TRHDE: variants seen among roughly 807,000 people sequenced by gnomAD.
The protein encoded by TRHDE is thyrotropin-releasing hormone-degrading ectoenzyme.
A neutral mutation model predicts 125.7 loss-of-function variants in TRHDE; 72 were observed. The ratio of observed to expected loss-of-function variants is 0.57; its 90% CI spans 0.47 to 0.70. TRHDE has a LOEUF of 0.70. TRHDE is among the 30% of genes least tolerant of loss of function. TRHDE has a pLI of 0.00. For missense variants in TRHDE, 1,110 were observed against 1,327.1 expected (o/e 0.84, Z 2.54); for synonymous variants, 509 against 509.1 (o/e 1.00, Z 0.00).
intron 6 of TRHDE, among the ~76,000 whole-genome samples, chr12:72,510,218 G>C (rs760978004): frequency 6.6e-6 from 1 of 152,040 alleles, no homozygotes; most frequent in Non-Finnish European, 1.5e-5. Flanking sequence ...TACTCACAGC[G>C]AATCAGTTAC....
chr12:72,238,833 A>G (rs1878417002), intron 2 of TRHDE, among the ~76,000 whole-genome samples: 1 of 152,170 alleles, frequency 6.6e-6, no homozygotes, highest in African/African-American at 2.4e-5. Flanking sequence ...GCTATTGTGA[A>G]TGATGCCACA....
intron 2 of TRHDE, among the ~76,000 whole-genome samples, chr12:72,336,232 A>C (rs539090248): frequency 3.9e-5 from 6 of 152,174 alleles, no homozygotes; most frequent in African/African-American, 1.2e-4. Context: ...TTTGACTCCA[A>C]AACCTGTGCT....
intron 12 of TRHDE, among the ~76,000 whole-genome samples, chr12:72,600,290 A>T (rs886757806): frequency 8.5e-5 from 13 of 152,120 alleles, no homozygotes; most frequent in African/African-American, 3.1e-4. Flanking sequence ...AATTCTGTGA[A>T]AAATGATGTT....
At chr12:72,600,930 C>T (rs1047901990) in intron 12 of TRHDE, among the ~76,000 whole-genome samples, 3 of 152,062 alleles carry the variant, frequency 2.0e-5, no homozygotes, top group Admixed American at 2.0e-4. Flanking sequence ...TGCTTGCTAA[C>T]ACAACATCCA....
chr12:72,627,616 GTTGCAAT>G (rs1287624816), intron 15 of TRHDE, among the ~76,000 whole-genome samples: 2 of 151,854 alleles, frequency 1.3e-5, no homozygotes, highest in African/African-American at 4.8e-5. Context: ...ATTGTGGACA[GTTGCAAT>G]ATTGTAGGAC....
At chr12:72,355,153 T>G (rs942039783) in intron 2 of TRHDE, among the ~76,000 whole-genome samples, 1 of 151,572 alleles carries the variant, frequency 6.6e-6, no homozygotes, top group Non-Finnish European at 1.5e-5. Context: ...AAATTGCTAT[T>G]GTGCCAAGTA....
chr12:72,225,971 G>A (rs2140218), intron 2 of TRHDE, among the ~76,000 whole-genome samples: 8,034 of 152,222 alleles, frequency 0.053, 292 homozygotes, highest in Non-Finnish European at 0.072. Flanking sequence ...TCATGACTCC[G>A]CAGATGATAT....
chr12:72,163,597 G>T (rs1450716961), intron 2 of TRHDE, among the ~76,000 whole-genome samples: 2 of 152,170 alleles, frequency 1.3e-5, no homozygotes, highest in Non-Finnish European at 2.9e-5. Flanking sequence ...TCATGATATG[G>T]ACACAATTAC....
intron 6 of TRHDE, among the ~76,000 whole-genome samples, chr12:72,539,015 CT>C (rs774741938): frequency 7.3e-4 from 111 of 152,008 alleles, no homozygotes; most frequent in South Asian, 1.4e-3. Context: ...GTGATTTCCA[CT>C]TTCACGCCTA....
chr12:72,185,685 A>G (rs536798046), intron 2 of TRHDE, among the ~76,000 whole-genome samples: 2 of 150,226 alleles, frequency 1.3e-5, no homozygotes, highest in South Asian at 2.1e-4. Flanking sequence ...AAATACACCA[A>G]TCAGCACATT....
At chr12:72,648,202 T>C (rs1406414916) in intron 15 of TRHDE, among the ~76,000 whole-genome samples, 1 of 151,956 alleles carries the variant, frequency 6.6e-6, no homozygotes, top group African/African-American at 2.4e-5. Flanking sequence ...CATCCTTTCA[T>C]GATAAAAAAA....
At chr12:72,448,719 G>A (rs1875423484) in intron 3 of TRHDE, among the ~76,000 whole-genome samples, 1 of 150,762 alleles carries the variant, frequency 6.6e-6, no homozygotes, top group East Asian at 1.9e-4. Flanking sequence ...CCAATGATTT[G>A]AACTACAGCA....
chr12:72,609,418 T>G (rs893551861), intron 12 of TRHDE, among the ~76,000 whole-genome samples: 6 of 152,222 alleles, frequency 3.9e-5, no homozygotes, highest in Admixed American at 2.0e-4. Context: ...AAAAATTTTT[T>G]GAGTACTGAT....
At chr12:72,432,462 C>G (rs571261383) in intron 3 of TRHDE, among the ~76,000 whole-genome samples, 1 of 152,284 alleles carries the variant, frequency 6.6e-6, no homozygotes, top group South Asian at 2.1e-4. Context: ...ATAAATTCCC[C>G]CACAGTCCCT....
At chr12:72,229,684 GCTTA>G (rs760264146) in intron 2 of TRHDE, among the ~76,000 whole-genome samples, 6 of 152,294 alleles carry the variant, frequency 3.9e-5, no homozygotes, top group South Asian at 4.1e-4. Flanking sequence ...CCTTATGAAA[GCTTA>G]CTTAATATTT....
chr12:72,300,612 C>T (rs1336197291), intron 2 of TRHDE, among the ~76,000 whole-genome samples: 1 of 149,190 alleles, frequency 6.7e-6, no homozygotes, highest in Admixed American at 6.7e-5. Context: ...AGATGTATAG[C>T]GTGTGTGTGT....
intron 2 of TRHDE, among the ~76,000 whole-genome samples, chr12:72,210,166 A>G (rs1730679435): frequency 1.1e-5 from 1 of 93,668 alleles, no homozygotes; most frequent in African/African-American, 4.3e-5. Context: ...AAGTTCTATA[A>G]GATTGATCTA....
chr12:72,546,469 T>G (rs1290336738), intron 7 of TRHDE, among the ~76,000 whole-genome samples: 2 of 151,622 alleles, frequency 1.3e-5, no homozygotes, highest in Non-Finnish European at 1.5e-5. Flanking sequence ...TTCTTCAGTT[T>G]AGGAAACTAT....
intron 12 of TRHDE, among the ~76,000 whole-genome samples, chr12:72,583,736 T>G (rs1871329662): frequency 6.6e-6 from 1 of 152,154 alleles, no homozygotes; most frequent in African/African-American, 2.4e-5. Context: ...AATATGCTGG[T>G]TTGCTCAAGG....
Sources: gnomAD v4.1 joint callset for allele counts (sites outside exome capture counted in the v4.1 genomes callset) on GRCh38, gnomAD v4.1.1 for gene constraint, MANE v1.5 for transcripts, NCBI Gene and HGNC (gene_info 2026-07-23, HGNC 2026-07-21) for gene names.